Variants in ZNF600 observed in about 807,000 individuals in gnomAD.
The protein encoded by ZNF600 is zinc finger protein 600.
ZNF600 carries 4 observed loss-of-function variants against 7.3 expected under a neutral mutation model. That is an observed-to-expected ratio of 0.55 (90% confidence interval 0.27 to 1.25). ZNF600 has a LOEUF of 1.25. ZNF600 is among the 50% of genes most tolerant of loss of function. ZNF600 has a pLI of 0.12. For missense variants in ZNF600, 911 were observed against 922.1 expected, an observed-to-expected ratio of 0.99 and a Z score of 0.16; for synonymous variants, 290 against 308.9, an observed-to-expected ratio of 0.94 and a Z score of 0.64.
upstream of ZNF600, among the ~76,000 whole-genome samples, chr19:52,787,846 C>T (rs1205969891): frequency 1.5e-5 from 2 of 135,286 alleles, no homozygotes; most frequent in Non-Finnish European, 3.1e-5. Context: ...GGCGACAGAG[C>T]GAGGCTACGT....
chr19:52,766,666 C>T, exon 4 of ZNF600: 6 of 1,614,056 alleles, frequency 3.7e-6, no homozygotes, highest in Non-Finnish European at 5.1e-6. Flanking sequence ...AAGGTCTTGC[C>T]ACACTCATTA....
At chr19:52,817,284 A>G in the ZNF600 span, among the ~76,000 whole-genome samples, 28 of 152,154 alleles carry the variant, frequency 1.8e-4, no homozygotes, top group Non-Finnish European at 4.4e-5. Context: ...AGGCAGGAGA[A>G]TCTCTTGAAC....
the ZNF600 span, among the ~76,000 whole-genome samples, chr19:52,832,224 G>T: frequency 2.7e-4 from 41 of 152,026 alleles, no homozygotes; most frequent in Non-Finnish European, 5.3e-4. Flanking sequence ...AAAAAAATAA[G>T]TAAAATCAAT....
the ZNF600 span, among the ~76,000 whole-genome samples, chr19:52,823,389 T>C: frequency 7.2e-5 from 11 of 152,088 alleles, no homozygotes; most frequent in Non-Finnish European, 1.6e-4. Flanking sequence ...AATGCTTTTG[T>C]ATTTTCAGTA....
the ZNF600 span, among the ~76,000 whole-genome samples, chr19:52,802,822 A>G: frequency 7.0e-6 from 1 of 142,030 alleles, no homozygotes; most frequent in Non-Finnish European, 1.5e-5. Context: ...GTGCAGTGGC[A>G]TGATCTCGGC....
chr19:52,782,589 T>G (rs901259079), intron 1 of ZNF600, among the ~76,000 whole-genome samples: 2 of 150,552 alleles, frequency 1.3e-5, no homozygotes. Context: ...TAACAACTAA[T>G]GAGGCCCAGT....
chr19:52,765,659 A>G (rs373242859), exon 4 of ZNF600: 1 of 1,614,024 alleles, frequency 6.2e-7, no homozygotes, highest in Non-Finnish European at 8.5e-7. Context: ...AGGCTTTGCC[A>G]CACTCATTAC....
chr19:52,776,645 C>T (rs1200229635), intron 2 of ZNF600, among the ~76,000 whole-genome samples: 1 of 152,010 alleles, frequency 6.6e-6, no homozygotes, highest in African/African-American at 2.4e-5. Flanking sequence ...CTCCTGACAT[C>T]GTGATCTACC....
the ZNF600 span, among the ~76,000 whole-genome samples, chr19:52,793,508 G>A: frequency 4.6e-5 from 7 of 152,290 alleles, no homozygotes; most frequent in South Asian, 2.1e-4. Context: ...AAAGCAGCCC[G>A]TGTGGCTGGA....
At position 52,782,707 on chromosome 19, in the gene ZNF600, A is replaced by G. The variant is rs576962269; in HGVS notation, c.-19-3800T>C. Among the ~76,000 whole-genome samples, 222 of 152,238 alleles carry G rather than the reference A, an allele frequency of 1.5e-3. 1 individual carries two copies. The highest frequency in any genetic ancestry group is 5.1e-3 in the African/African-American group (213 of 41,554). Reference sequence around the variant, plus strand: ...GCCAAGATGGTGAAACCCTGTCTCTACTAAAAATACAAAAATCGACAGGAC... The same window carrying G: ...GCCAAGATGGTGAAACCCTGTCTCTGCTAAAAATACAAAAATCGACAGGAC... On this transcript the variant is annotated intron_variant, in intron 1 of 3. Coordinates refer to ENST00000648973, the Ensembl canonical transcript of ZNF600.
chr19:52,774,681 A>T lies in ZNF600; in HGVS notation c.84T>A (p.Asp28Glu), dbSNP rs1028300232. Residue 28 changes from aspartate to glutamate, a missense_variant, in exon 3 of 4, where the codon GAT (aspartate) becomes GAA (glutamate). Transcript: ENST00000648973. ...CTGCCAATGAGAATTCTATAGCCAC[A>T]TCCCTGAAAGTCAAGCGTCCCTAAA... is the stretch of plus-strand genomic sequence containing the variant. 6.1e-6 allele frequency: 6 copies of T among 985,248 alleles called. No homozygotes were observed. The African/African-American group carries it at 1.0e-4, about 17-fold the overall frequency. 61.0% of individuals were successfully genotyped at this position (985,248 alleles called of 1,614,324 possible). A position where few individuals can be genotyped will look rare whatever the true frequency, so the allele number is the denominator to read the frequency against.
intron 1 of ZNF600, among the ~76,000 whole-genome samples, chr19:52,782,862 A>C (rs8109505): frequency 0.16 from 24,213 of 152,072 alleles, 1,992 homozygotes; most frequent in African/African-American, 0.19. Flanking sequence ...ATGACAGAGA[A>C]AGACTCCATC....
chr19:52,820,803 G>A, the ZNF600 span, among the ~76,000 whole-genome samples: 1 of 151,924 alleles, frequency 6.6e-6, no homozygotes, highest in Non-Finnish European at 1.5e-5. Context: ...CACTTTTGCT[G>A]TCTCTTGGCA....
the ZNF600 span, chr19:52,797,567 A>T: frequency 6.6e-6 from 1 of 152,368 alleles, no homozygotes; most frequent in African/African-American, 2.4e-5. Flanking sequence ...ATACATTAAC[A>T]TTAAATAATT....
chr19:52,794,015 T>C, the ZNF600 span, among the ~76,000 whole-genome samples: 1 of 152,080 alleles, frequency 6.6e-6, no homozygotes, highest in Non-Finnish European at 1.5e-5. Flanking sequence ...TTTGGGGGTT[T>C]AGGAAGTCAC....
chr19:52,791,146 T>G (rs546271441), upstream of ZNF600, among the ~76,000 whole-genome samples: 1 of 152,258 alleles, frequency 6.6e-6, no homozygotes, highest in Non-Finnish European at 1.5e-5. Flanking sequence ...ATGTTTCATA[T>G]GTGGTTTCTC....
At chr19:52,767,920 C>A (rs537448971) in intron 3 of ZNF600, 148 bp from the exon 6 acceptor site, 10 of 1,212,892 alleles carry the variant, frequency 8.2e-6, no homozygotes, top group Admixed American at 3.1e-5. Flanking sequence ...GAGTAAGATT[C>A]TTTAATAAAC....
intron 2 of ZNF600, among the ~76,000 whole-genome samples, chr19:52,777,863 T>C (rs1035425410): frequency 6.6e-6 from 1 of 152,018 alleles, no homozygotes; most frequent in Non-Finnish European, 1.5e-5. Context: ...GAGATACATA[T>C]ATACATACAT....
At chr19:52,831,456 C>T in the ZNF600 span, among the ~76,000 whole-genome samples, 1 of 151,774 alleles carries the variant, frequency 6.6e-6, no homozygotes, top group Non-Finnish European at 1.5e-5. Context: ...ATAACAGGCG[C>T]CTGCCACCAG....
Sources: allele counts gnomAD v4.1 joint callset (sites outside exome capture counted in the v4.1 genomes callset), GRCh38; gene constraint gnomAD v4.1.1; transcripts MANE v1.5; gene names NCBI Gene and HGNC (gene_info 2026-07-23, HGNC 2026-07-21).